The following ILDR2 variants were observed in gnomAD, a reference collection of about 807,000 sequenced individuals.
ILDR2 encodes the protein immunoglobulin like domain containing receptor 2.
ILDR2 carries 25 observed loss-of-function variants against 66.8 expected under a neutral mutation model. The observed-to-expected ratio is 0.37, with a 90% confidence interval of 0.27 to 0.52. The LOEUF is 0.52. Ranked by LOEUF, ILDR2 falls within the 20% of genes least tolerant of loss-of-function variation. The pLI is 0.88. For synonymous variants in ILDR2, 367 were observed against 357.2 expected, an observed-to-expected ratio of 1.03 and a Z score of -0.31; for missense variants, 827 against 876.8, an observed-to-expected ratio of 0.94 and a Z score of 0.72.
chr1:166,939,444 G>A (rs1220434318), intron 4 of ILDR2, 70 bp downstream of exon 4: 9 of 1,265,114 alleles, frequency 7.1e-6, no homozygotes, highest in South Asian at 3.6e-5. Context: ...AGCAATTAGC[G>A]ACTAATGCAG....
rs547940933 is a variant in ILDR2 at position 166,975,132 on chromosome 1, G to A, written c.46+91C>T. ...AAGCAGCTTTAAACATGGTCAGTAA[G>A]GAGGAAAATGGGGGGGCGGGGGGCG... On this transcript the variant is annotated intron_variant, in intron 1 of 9. Coordinates refer to ENST00000271417, the MANE Select transcript of ILDR2 (RefSeq NM_199351.3). 409 of 1,112,638 alleles carry A rather than the reference G, an allele frequency of 3.7e-4. No individual in the cohort carries two copies. The African/African-American group carries it at 5.8e-3, about 16-fold the overall frequency. The allele number at this position is 1,112,638 out of a possible 1,614,324, so 68.9% of individuals were successfully genotyped here. A position where few individuals can be genotyped will look rare whatever the true frequency, so the allele number is the denominator to read the frequency against.
chr1:166,960,096 T>C (rs1356097423), intron 1 of ILDR2, among the ~76,000 whole-genome samples: 5 of 152,236 alleles, frequency 3.3e-5, no homozygotes, highest in Non-Finnish European at 1.5e-5. Context: ...TTTGTACTCA[T>C]ATCTTCTGAC....
chr1:166,899,348 G>A (rs138664710), intron 2 of ILDR2, among the ~76,000 whole-genome samples: 1,588 of 150,996 alleles, frequency 0.011, 32 homozygotes, highest in African/African-American at 0.037. Context: ...AGCCGAGATC[G>A]TGCCACTGCA....
Position 166,957,642 on chromosome 1 carries a change from A to G in ILDR2, c.379+127T>C, listed in dbSNP as rs113461753. ...AGGTCTCTTGATGCTCCCATTTCCAATAAAATAAAAGTCTTGAGGGTCTGA... is the reference window on the plus strand; with the variant it reads ...AGGTCTCTTGATGCTCCCATTTCCAGTAAAATAAAAGTCTTGAGGGTCTGA... On this transcript the variant is annotated intron_variant, in intron 2 of 9. Coordinates refer to ENST00000271417, the MANE Select transcript of ILDR2 (RefSeq NM_199351.3). 107 of 790,270 alleles carry G rather than the reference A, an allele frequency of 1.4e-4. No homozygotes were observed. In the African/African-American group the frequency reaches 1.8e-3, roughly 13 times the overall value. 49.0% of individuals were successfully genotyped at this position (790,270 alleles called of 1,614,324 possible). A position where few individuals can be genotyped will look rare whatever the true frequency, so the allele number is the denominator to read the frequency against.
rs2101836790 is a variant in ILDR2, at chr1:166,916,256, A to G, written c.*3099T>C. ...AGACTTTTGAGTATTGGCTTTTCAG[A>G]TCACCAAGTCTATGTTTAAATAAGA... is the stretch of plus-strand genomic sequence containing the variant. On this transcript the variant is annotated 3_prime_UTR_variant, in exon 10 of 10. Transcript: ENST00000271417. The G allele has an allele frequency of 6.6e-6, 1 of 152,300 alleles. No homozygotes were observed. The highest frequency in any genetic ancestry group is 1.5e-5 in the Non-Finnish European group (1 of 68,016). The allele number at this position is 152,300 out of a possible 1,614,324, so 9.4% of individuals were successfully genotyped here.
chr1:166,913,437 C>T lies in ILDR2; in HGVS notation c.*5918G>A, dbSNP rs1659519706. 1 of 152,046 alleles carries T rather than the reference C, an allele frequency of 6.6e-6. No individual in the cohort carries two copies. Among genetic ancestry groups the T allele is most frequent in the Non-Finnish European group, 1.5e-5 (1 of 68,020 alleles). 9.4% of individuals were successfully genotyped at this position (152,046 alleles called of 1,614,324 possible). ...TCACACAGCAAATTTCTTATGCAGT[C>T]GTGTCTAATACTTTTGTTAATAAAA... On this transcript the variant is annotated 3_prime_UTR_variant, in exon 10 of 10. Transcript: ENST00000271417.
chr1:166,970,537 T>C (rs1020650934), intron 1 of ILDR2, among the ~76,000 whole-genome samples: 1 of 152,186 alleles, frequency 6.6e-6, no homozygotes, highest in African/African-American at 2.4e-5. Flanking sequence ...CCCATGGTTA[T>C]ACAGTGATTT....
At chr1:166,939,409 GACAAATGTGGCAATAA>G in intron 4 of ILDR2, 89 bp downstream of exon 4, 1 of 922,834 alleles carries the variant, frequency 1.1e-6, no homozygotes, top group South Asian at 1.4e-5. Context: ...GAGACATATA[GACAAATGTGGCAATAA>G]AGTAAAGAAG....
chr1:166,943,954 C>G (rs1275323293), intron 3 of ILDR2: 6 of 558,760 alleles, frequency 1.1e-5, no homozygotes, highest in Non-Finnish European at 1.4e-5. Flanking sequence ...AGCGCTCAAA[C>G]AGTTTTCCCC....
At position 166,957,800 on chromosome 1, in the gene ILDR2, G is replaced by T. The variant is rs1230577208; in HGVS notation, c.348C>A (p.Phe116Leu). Residue 116 changes from phenylalanine to leucine, a missense_variant, in exon 2 of 10, where the codon TTC (phenylalanine) becomes TTA (leucine). Physicochemically the swap from Phe to Leu is conservative, Grantham distance 22. Around this residue, in one of 2 missense-constraint regions of ILDR2, gnomAD observed 437 missense variants for 523.2 expected, o/e 0.84. Coordinates refer to ENST00000271417, the MANE Select transcript of ILDR2 (RefSeq NM_199351.3). Reference sequence around the variant, plus strand: ...CAATCGTGATCTCTCTGCCCCTGTAGAAATCTCCCAGGGTGACAGTCGAGC... The same window carrying T: ...CAATCGTGATCTCTCTGCCCCTGTATAAATCTCCCAGGGTGACAGTCGAGC... ...KQGSTVTLGD[F>L]YRGREITIVH... is the part of the protein sequence containing the mutation. 1 of 1,613,810 alleles carries T rather than the reference G, an allele frequency of 6.2e-7. No homozygotes were observed. The highest frequency in any genetic ancestry group is 2.2e-5 in the East Asian group (1 of 44,874).
In ILDR2 at chr1:166,936,242, GAGA is replaced by G. The variant is rs543574186; in HGVS notation, c.703+346_703+348del. On this transcript the variant is annotated intron_variant, in intron 5 of 9. Transcript: ENST00000271417. This position sits in a 1 kb window ranked among gnomAD's most constrained non-coding sequence, Gnocchi z 5.0. ...TCTCTGCATGGGAAGGGAACGACCAGAGAAGGTTTCCTCTAGTTTGAATGCCCC... is the reference window on the plus strand; with the variant it reads ...TCTCTGCATGGGAAGGGAACGACCAGAGGTTTCCTCTAGTTTGAATGCCCC... Among the ~76,000 whole-genome samples, 959 of 152,306 alleles carry G rather than the reference GAGA, an allele frequency of 6.3e-3. 8 individuals are homozygous for G. Among genetic ancestry groups the G allele is most frequent in the African/African-American group, 0.021 (892 of 41,558 alleles).
Position 166,927,374 on chromosome 1 carries a change from A to C in ILDR2, c.881-194T>G, listed in dbSNP as rs1178294979. Reference sequence around the variant, plus strand: ...CCCCTTTATCAGATGGCGCCACTGGAATGGAGGACCTAAAGGTCAACAACA... The same window carrying C: ...CCCCTTTATCAGATGGCGCCACTGGCATGGAGGACCTAAAGGTCAACAACA... On this transcript the variant is annotated intron_variant, in intron 6 of 9. Transcript: ENST00000271417. Among the ~76,000 whole-genome samples, 13 of 152,330 alleles carry C rather than the reference A, an allele frequency of 8.5e-5. No homozygotes were observed. The South Asian group carries it at 1.0e-3, about 12-fold the overall frequency.
chr1:166,935,165 C>A, intron 6 of ILDR2, 136 bp downstream of exon 6: 1 of 875,672 alleles, frequency 1.1e-6, no homozygotes, highest in Admixed American at 2.3e-5. Context: ...TCTGACATAG[C>A]TGGAAGGATC....
intron 6 of ILDR2, among the ~76,000 whole-genome samples, chr1:166,929,859 G>C (rs527746395): frequency 6.6e-6 from 1 of 152,276 alleles, no homozygotes; most frequent in South Asian, 2.1e-4. Flanking sequence ...GGCTTGGATC[G>C]TAGAAAAGTC....
At position 166,909,363 on chromosome 1, in the gene ILDR2, T is replaced by C. The variant is rs553267398; in HGVS notation, c.*9992A>G. On this transcript the variant is annotated 3_prime_UTR_variant, in exon 10 of 10. Coordinates refer to ENST00000271417, the MANE Select transcript of ILDR2 (RefSeq NM_199351.3). ...ACAGGGAATCTTAAATCTTACTACA[T>C]TGAGACCCAGGTTTGTTCTCAGTTC... is the stretch of plus-strand genomic sequence containing the variant. 2.6e-5 allele frequency: 4 copies of C among 152,198 alleles called. No homozygotes were observed. In the East Asian group the frequency reaches 7.7e-4, roughly 29 times the overall value. The allele number at this position is 152,198 out of a possible 1,614,324, so 9.4% of individuals were successfully genotyped here. A position where few individuals can be genotyped will look rare whatever the true frequency, so the allele number is the denominator to read the frequency against.
rs1157363686 is a variant in ILDR2, at chr1:166,916,646, A to T, written c.*2709T>A. The T allele has an allele frequency of 6.6e-6, 1 of 152,254 alleles. No individual in the cohort carries two copies. The highest frequency in any genetic ancestry group is 1.5e-5 in the Non-Finnish European group (1 of 68,046). The allele number at this position is 152,254 out of a possible 1,614,324, so 9.4% of individuals were successfully genotyped here. On this transcript the variant is annotated 3_prime_UTR_variant, in exon 10 of 10. Coordinates refer to ENST00000271417, the MANE Select transcript of ILDR2 (RefSeq NM_199351.3). ...CAACTCAGCCTTAACTCCTGTCCAT[A>T]TACCCAGAAACAACTGCTTTTTCTC...
chr1:166,921,243 C>A lies in ILDR2; in HGVS notation c.1348G>T (p.Glu450Ter). 6.3e-7 allele frequency: 1 copy of A among 1,597,910 alleles called. No homozygotes were observed. The highest frequency in any genetic ancestry group is 2.2e-5 in the East Asian group (1 of 44,590). ...TCGAAGCGGCTCCCGCCCCGCGCCT[C>A]GTGACTGTTGCCGTCTGCCCGGCGG... is the stretch of plus-strand genomic sequence containing the variant. Reference protein sequence around the residue: ...RPRRADGNSHEARGGSRFERS... With the variant: ...RPRRADGNSH Residue 450 changes from glutamate to a stop codon, truncating the protein, a stop_gained, in exon 9 of 10, where the codon GAG becomes TAG. Coordinates refer to ENST00000271417, the MANE Select transcript of ILDR2 (RefSeq NM_199351.3). LOFTEE classifies it high-confidence loss of function. This position sits in a 1 kb window ranked among gnomAD's most constrained non-coding sequence, Gnocchi z 5.3.
chr1:166,925,874 G>A (rs1010072237), intron 7 of ILDR2, among the ~76,000 whole-genome samples: 2 of 152,178 alleles, frequency 1.3e-5, no homozygotes, highest in Non-Finnish European at 2.9e-5. Context: ...TCTCTGAGCT[G>A]TGAGATTCGC....
chr1:166,927,135 A>C lies in ILDR2; in HGVS notation c.926T>G (p.Met309Arg). 1 of 1,613,806 alleles carries C rather than the reference A, an allele frequency of 6.2e-7. No homozygotes were observed. Among genetic ancestry groups the C allele is most frequent in the Non-Finnish European group, 8.5e-7 (1 of 1,179,854 alleles). Reference sequence around the variant, plus strand: ...CTTCTCAACATAGTACAGGACCTTCATGGAGTCTCTCTCTTTGTCAGCCTG... The same window carrying C: ...CTTCTCAACATAGTACAGGACCTTCCTGGAGTCTCTCTCTTTGTCAGCCTG... The part of the protein sequence containing the change: ...RIQADKERDS[M>R]KVLYYVEKEL... The change falls in exon 7 of 10, where the codon ATG becomes AGG. Residue 309 changes from methionine to arginine, a missense_variant. Coordinates refer to ENST00000271417, the MANE Select transcript of ILDR2 (RefSeq NM_199351.3).
Sources: allele counts gnomAD v4.1 joint callset (sites outside exome capture counted in the v4.1 genomes callset), GRCh38; gene constraint gnomAD v4.1.1; regional missense constraint gnomAD v4.1.1; non-coding constraint Gnocchi (gnomAD v3.1); transcripts MANE v1.5; gene names NCBI Gene and HGNC (gene_info 2026-07-23, HGNC 2026-07-21).